The following NR4A3 variants were observed in gnomAD, a reference collection of about 807,000 sequenced individuals.
NR4A3 encodes nuclear receptor subfamily 4 group A member 3, also known as chondrosarcoma, extraskeletal myxoid, fused to EWS.
A neutral mutation model predicts 55.6 loss-of-function variants in NR4A3; 13 were observed. That is an observed-to-expected ratio of 0.23 (90% CI 0.15 to 0.37). The LOEUF is 0.37. Ranked by LOEUF, NR4A3 falls within the 10% of genes least tolerant of loss-of-function variation. The pLI is 1.00. For missense variants in NR4A3, 646 were observed against 822.8 expected, an observed-to-expected ratio of 0.79 and a Z score of 2.63; for synonymous variants, 342 against 357.9, an observed-to-expected ratio of 0.96 and a Z score of 0.50.
chr9:99,829,764 C>T (rs1827403709), intron 3 of NR4A3, among the ~76,000 whole-genome samples: 1 of 152,126 alleles, frequency 6.6e-6, no homozygotes. Flanking sequence ...CATGCGGTGC[C>T]AGGTGTAGAC....
At chr9:99,863,473 A>G in intron 7 of NR4A3, 147 bp from the exon 8 acceptor site, 1 of 882,732 alleles carries the variant, frequency 1.1e-6, no homozygotes, top group Admixed American at 2.7e-5. Context: ...ACCAAAGGCC[A>G]TGAGCTATCT....
At chr9:99,860,214 G>GT (rs11370881) in intron 7 of NR4A3, among the ~76,000 whole-genome samples, 67,453 of 148,166 alleles carry the variant, frequency 0.46, 16,170 homozygotes, top group Non-Finnish European at 0.56. Context: ...TGTTGTAAAC[G>GT]TTTTTTTTTT....
chr9:99,846,689 C>A (rs909993746), intron 6 of NR4A3, among the ~76,000 whole-genome samples: 3 of 152,116 alleles, frequency 2.0e-5, no homozygotes, highest in Non-Finnish European at 4.4e-5. Context: ...ACTCTGTCAC[C>A]CAGGCTGGAG....
chr9:99,837,010 T>G lies in NR4A3; in HGVS notation c.1254+3556T>G, dbSNP rs150148161. Among the ~76,000 whole-genome samples the G allele has an allele frequency of 2.8e-3, 433 of 152,334 alleles. 2 individuals are homozygous for G. Among genetic ancestry groups the G allele is most frequent in the African/African-American group, 9.8e-3 (409 of 41,574 alleles). ...TGTTGGCTATTTCTATGTCTTGTTTTGAAAAATGTCTATTTAGGTTTTTTA... is the reference window on the plus strand; with the variant it reads ...TGTTGGCTATTTCTATGTCTTGTTTGGAAAAATGTCTATTTAGGTTTTTTA... On this transcript the variant is annotated intron_variant, in intron 5 of 7. Transcript: ENST00000395097.
At chr9:99,833,922 G>T in intron 5 of NR4A3, 1 of 1,186,282 alleles carries the variant, frequency 8.4e-7, no homozygotes, top group Non-Finnish European at 1.1e-6. Context: ...GGAGAGAAGC[G>T]AGCTCTGGCT....
chr9:99,836,562 G>T (rs371429468), intron 5 of NR4A3, among the ~76,000 whole-genome samples: 211 of 152,326 alleles, frequency 1.4e-3, no homozygotes, highest in African/African-American at 4.6e-3. Context: ...ACAGAAATAT[G>T]TAGGCAAGAA....
At chr9:99,863,577 T>C in intron 7 of NR4A3, 43 bp from the exon 8 acceptor site, 1 of 1,587,970 alleles carries the variant, frequency 6.3e-7, no homozygotes, top group Non-Finnish European at 8.6e-7. Flanking sequence ...TCTTAAGATG[T>C]ATTTGCCTCC....
Position 99,833,966 on chromosome 9 carries a change from C to T in NR4A3, c.1254+512C>T, listed in dbSNP as rs1237116904. On this transcript the variant is annotated intron_variant, in intron 5 of 7. Transcript: ENST00000395097. ...AGTTGTCAGGAGAACTGGGATGGAACGCCACCTCTGCTACTTCCTGCCTGT... is the reference window on the plus strand; with the variant it reads ...AGTTGTCAGGAGAACTGGGATGGAATGCCACCTCTGCTACTTCCTGCCTGT... The T allele has an allele frequency of 7.9e-6, 9 of 1,144,588 alleles. No individual in the cohort carries two copies. The African/African-American group carries it at 9.6e-5, about 12-fold the overall frequency. 70.9% of individuals were successfully genotyped at this position (1,144,588 alleles called of 1,614,324 possible).
At chr9:99,831,497 A>G (rs1827439853) in intron 3 of NR4A3, among the ~76,000 whole-genome samples, 1 of 152,246 alleles carries the variant, frequency 6.6e-6, no homozygotes, top group Non-Finnish European at 1.5e-5. Context: ...AATGAAATTA[A>G]AAGGTAACAG....
chr9:99,826,867 A>G (rs1827304342), intron 2 of NR4A3: 2 of 1,474,992 alleles, frequency 1.4e-6, no homozygotes, highest in Non-Finnish European at 1.9e-6. Context: ...CTTTTACACC[A>G]TAGACTCCAA....
At chr9:99,834,820 G>A (rs909337513) in intron 5 of NR4A3, 3 of 985,306 alleles carry the variant, frequency 3.0e-6, no homozygotes, top group Admixed American at 6.1e-5. Context: ...TGAGAAGCAT[G>A]GTAGATCCTT....
chr9:99,845,745 A>G (rs1368903687), intron 6 of NR4A3, among the ~76,000 whole-genome samples: 1 of 152,198 alleles, frequency 6.6e-6, no homozygotes, highest in Non-Finnish European at 1.5e-5. Flanking sequence ...GGAAGTCCAG[A>G]AATCTGCATT....
intron 5 of NR4A3, among the ~76,000 whole-genome samples, chr9:99,840,706 G>A (rs937634985): frequency 1.3e-5 from 2 of 152,136 alleles, no homozygotes; most frequent in African/African-American, 4.8e-5. Context: ...GCAAGTCAGT[G>A]CAGAGCCTGG....
intron 5 of NR4A3, among the ~76,000 whole-genome samples, chr9:99,838,935 TAGAGATATA>T (rs555941903): frequency 1.6e-4 from 24 of 152,238 alleles, no homozygotes; most frequent in Non-Finnish European, 2.6e-4. Context: ...GGATGAGCAA[TAGAGATATA>T]AATTTTCCTG....
chr9:99,829,103 C>A, intron 3 of NR4A3, 110 bp downstream of exon 3: 1 of 1,175,344 alleles, frequency 8.5e-7, no homozygotes, highest in Non-Finnish European at 1.1e-6. Flanking sequence ...CTGTAATCGG[C>A]ACATCATGCT....
At chr9:99,838,317 A>G (rs1424741310) in intron 5 of NR4A3, among the ~76,000 whole-genome samples, 2 of 152,252 alleles carry the variant, frequency 1.3e-5, no homozygotes, top group African/African-American at 4.8e-5. Context: ...TGCAAATACG[A>G]GAGGTGCTGC....
Position 99,828,803 on chromosome 9 carries a change from T to C in NR4A3, c.761T>C (p.Leu254Pro). The change falls in exon 3 of 8, where the codon CTG becomes CCG. Residue 254 changes from leucine (L) to proline (P), a missense_variant. Physicochemically the swap from Leu to Pro is moderately conservative, Grantham distance 98. This residue lies in a region of NR4A3 where 426 missense variants were observed against 429.4 expected (regional missense o/e 0.99). Coordinates refer to ENST00000395097, the MANE Select transcript of NR4A3 (RefSeq NM_006981.4). This position sits in a 1 kb window ranked among gnomAD's most constrained non-coding sequence, Gnocchi z 7.7. ...CCGCTGGCCAAGAGGGCGGCCCCGCTGGCCTTCCCGCCTCTCGGCCTCACG... is the reference window on the plus strand; with the variant it reads ...CCGCTGGCCAAGAGGGCGGCCCCGCCGGCCTTCCCGCCTCTCGGCCTCACG... ...GLPLAKRAAP[L>P]AFPPLGLTPS... is the part of the protein sequence containing the mutation. The C allele has an allele frequency of 2.0e-6, 3 of 1,471,272 alleles. No homozygotes were observed. The highest frequency in any genetic ancestry group is 2.7e-6 in the Non-Finnish European group (3 of 1,115,596). 91.1% of individuals were successfully genotyped at this position (1,471,272 alleles called of 1,614,324 possible). A position where few individuals can be genotyped will look rare whatever the true frequency, so the allele number is the denominator to read the frequency against.
intron 5 of NR4A3, 45 bp downstream of exon 5, chr9:99,833,499 CTATT>C: frequency 2.5e-6 from 4 of 1,613,994 alleles, no homozygotes; most frequent in Non-Finnish European, 3.4e-6. Flanking sequence ...ATCAGGGTCT[CTATT>C]TATGGCTACT....
Position 99,828,264 on chromosome 9 carries a change from C to A in NR4A3, c.222C>A (p.Ser74=). ...CGAGCAACTACGAACTCAAGCCTTC[C>A]TGCGTGTACCAAATGCAGCGGCCCT... The part of the protein sequence containing the change: ...GYSSNYELKP[S]CVYQMQRPLI... The change falls in exon 3 of 8, where the codon TCC becomes TCA. Residue 74 remains serine, a synonymous_variant. Coordinates refer to ENST00000395097, the MANE Select transcript of NR4A3 (RefSeq NM_006981.4). The surrounding 1 kb of genome is among the most constrained non-coding windows in gnomAD (Gnocchi z 7.7). The A allele has an allele frequency of 6.2e-7, 1 of 1,614,008 alleles. No individual in the cohort carries two copies. Among genetic ancestry groups the A allele is most frequent in the Non-Finnish European group, 8.5e-7 (1 of 1,179,986 alleles).
Sources: allele counts gnomAD v4.1 joint callset (sites outside exome capture counted in the v4.1 genomes callset), GRCh38; gene constraint gnomAD v4.1.1; regional missense constraint gnomAD v4.1.1; non-coding constraint Gnocchi (gnomAD v3.1); transcripts MANE v1.5; gene names NCBI Gene and HGNC (gene_info 2026-07-23, HGNC 2026-07-21).